Variants in ZBTB20 observed in about 807,000 individuals in gnomAD.
ZBTB20 encodes zinc finger and BTB domain-containing protein 20.
Under a neutral mutation model 56.9 loss-of-function variants are expected in ZBTB20, and 9 were observed. That is an observed-to-expected ratio of 0.16 (90% CI 0.10 to 0.28). The LOEUF (loss-of-function observed/expected upper bound fraction) is 0.28. Among genes scored for constraint, ZBTB20 ranks in the 10% least tolerant of loss-of-function variants. The probability of loss-of-function intolerance (pLI) is 1.00; values close to 1 mark genes in which losing one functional copy is unlikely to be tolerated. For missense variants in ZBTB20, 655 were observed against 1,003.0 expected (o/e 0.65, Z 4.69); for synonymous variants, 417 against 420.7 (o/e 0.99, Z 0.11).
At chr3:114,674,680 G>C (rs1235262573) in intron 6 of ZBTB20, among the ~76,000 whole-genome samples, 1 of 152,062 alleles carries the variant, frequency 6.6e-6, no homozygotes, top group African/African-American at 2.4e-5. Flanking sequence ...ATGAATAAAT[G>C]AATGAATGAA....
rs546114551 is a variant in ZBTB20, at chr3:114,919,421, A to G, written c.-455-19079T>C. ...GGAAGAAAGAAACAAAAGAACTACA[A>G]AACAGGCCAGGCATGGTGGCTCATG... On this transcript the variant is annotated intron_variant, in intron 3 of 11. Transcript: ENST00000675478. Among the ~76,000 whole-genome samples, 13 of 152,212 alleles carry G rather than the reference A, an allele frequency of 8.5e-5. No homozygotes were observed. The South Asian group carries it at 2.5e-3, about 29-fold the overall frequency.
intron 6 of ZBTB20, among the ~76,000 whole-genome samples, chr3:114,607,431 T>C (rs1468297155): frequency 6.6e-6 from 1 of 151,538 alleles, no homozygotes; most frequent in African/African-American, 2.4e-5. Context: ...GGCTCCCAAA[T>C]AGCTGGGATT....
At chr3:114,743,888 A>C (rs2066824730) in intron 5 of ZBTB20, 2 of 152,226 alleles carry the variant, frequency 1.3e-5, no homozygotes, top group Non-Finnish European at 2.9e-5. Context: ...ATAATGTTAC[A>C]GCCTACATTA....
At chr3:114,867,193 C>T (rs1454819396) in intron 4 of ZBTB20, among the ~76,000 whole-genome samples, 1 of 152,028 alleles carries the variant, frequency 6.6e-6, no homozygotes, top group East Asian at 1.9e-4. Flanking sequence ...TTTTAAAACA[C>T]GATCTGCAGC....
At chr3:114,849,920 G>A (rs1248435046) in intron 4 of ZBTB20, among the ~76,000 whole-genome samples, 1 of 89,622 alleles carries the variant, frequency 1.1e-5, no homozygotes, top group Admixed American at 1.5e-4. Context: ...TTTTTTTTGA[G>A]ATGGAGTCTT....
At chr3:114,660,540 T>C (rs1011524178) in intron 6 of ZBTB20, among the ~76,000 whole-genome samples, 1 of 152,148 alleles carries the variant, frequency 6.6e-6, no homozygotes, top group Non-Finnish European at 1.5e-5. Flanking sequence ...TTAAATCTTA[T>C]GAGCTTTCTT....
intron 5 of ZBTB20, among the ~76,000 whole-genome samples, chr3:114,749,579 GGAA>G (rs1176109768): frequency 8.9e-5 from 12 of 135,406 alleles, no homozygotes; most frequent in Non-Finnish European, 1.7e-4. Flanking sequence ...AAGGAAGGAA[GGAA>G]GGAAGGAAGG....
At chr3:114,910,152 G>A (rs2075473697) in intron 3 of ZBTB20, among the ~76,000 whole-genome samples, 1 of 151,854 alleles carries the variant, frequency 6.6e-6, no homozygotes, top group South Asian at 2.1e-4. Context: ...TGACTTAAAT[G>A]TTCAAGTTAT....
In ZBTB20 at chr3:114,663,337, C is replaced by T. The variant is rs1196360851; in HGVS notation, c.-295+30191G>A. On this transcript the variant is annotated intron_variant, in intron 6 of 11. Transcript: ENST00000675478. ...AAAATACTTTACAGACAAGCAAATG[C>T]TGAGAGATTTTGTCACCACCAAGCC... 3.3e-5 allele frequency among the ~76,000 whole-genome samples: 5 copies of T among 151,194 alleles called. No homozygotes were observed. The East Asian group carries it at 9.7e-4, about 29-fold the overall frequency.
chr3:114,484,396 T>C (rs1032187295), intron 7 of ZBTB20, among the ~76,000 whole-genome samples: 1 of 152,186 alleles, frequency 6.6e-6, no homozygotes, highest in African/African-American at 2.4e-5. Flanking sequence ...AGCGAGACTT[T>C]GTCATTCGCT....
intron 2 of ZBTB20, among the ~76,000 whole-genome samples, chr3:115,048,552 A>T (rs1290579788): frequency 6.6e-6 from 1 of 152,196 alleles, no homozygotes; most frequent in Admixed American, 6.5e-5. Flanking sequence ...TAAGATAAAT[A>T]ATCTTGACTA....
At chr3:114,923,050 ACT>A (rs909519437) in intron 3 of ZBTB20, among the ~76,000 whole-genome samples, 15 of 152,116 alleles carry the variant, frequency 9.9e-5, no homozygotes, top group Non-Finnish European at 1.5e-4. Flanking sequence ...TACACTGAAA[ACT>A]CTTAGACACT....
At chr3:114,879,461 G>GA (rs2076315572) in intron 4 of ZBTB20, among the ~76,000 whole-genome samples, 2 of 152,154 alleles carry the variant, frequency 1.3e-5, no homozygotes, top group Admixed American at 6.5e-5. Context: ...TCACTGGAAT[G>GA]AGTAGTCAGG....
intron 4 of ZBTB20, among the ~76,000 whole-genome samples, chr3:114,846,393 T>C (rs2074706031): frequency 6.6e-6 from 1 of 152,166 alleles, no homozygotes; most frequent in Non-Finnish European, 1.5e-5. Flanking sequence ...CTCGAGAGCA[T>C]AGGTGAGCTT....
At chr3:114,372,640 C>T (rs772588148) in intron 10 of ZBTB20, among the ~76,000 whole-genome samples, 1 of 151,970 alleles carries the variant, frequency 6.6e-6, no homozygotes, top group Non-Finnish European at 1.5e-5. Context: ...CCAGCCTGGG[C>T]AACATGATCA....
chr3:114,620,679 C>T (rs2058263560), intron 6 of ZBTB20, among the ~76,000 whole-genome samples: 1 of 152,176 alleles, frequency 6.6e-6, no homozygotes, highest in African/African-American at 2.4e-5. Context: ...TTCATTGATC[C>T]TCCACTCAGA....
chr3:114,748,974 T>C (rs77198964), intron 5 of ZBTB20, among the ~76,000 whole-genome samples: 1 of 152,136 alleles, frequency 6.6e-6, no homozygotes, highest in African/African-American at 2.4e-5. Flanking sequence ...GCCTACAGGA[T>C]ATGTTTGTTA....
intron 7 of ZBTB20, among the ~76,000 whole-genome samples, chr3:114,453,226 T>G (rs936264918): frequency 6.6e-6 from 1 of 152,134 alleles, no homozygotes; most frequent in Non-Finnish European, 1.5e-5. Flanking sequence ...TACGTGGCAA[T>G]CAGAATCGTT....
intron 2 of ZBTB20, among the ~76,000 whole-genome samples, chr3:115,024,549 C>A (rs2080341526): frequency 6.6e-6 from 1 of 150,996 alleles, no homozygotes; most frequent in Non-Finnish European, 1.5e-5. Flanking sequence ...TGGATAGGTG[C>A]TTTGGGAAAA....
Sources: allele counts gnomAD v4.1 joint callset (sites outside exome capture counted in the v4.1 genomes callset), GRCh38; gene constraint gnomAD v4.1.1; transcripts MANE v1.5; gene names NCBI Gene and HGNC (gene_info 2026-07-23, HGNC 2026-07-21).